Variants in DRC11L observed in about 807,000 individuals in gnomAD.
The protein encoded by DRC11L is dynein regulatory complex subunit 11 like.
At chr7:151,202,974 C>G in the DRC11L span, 1 of 399,846 alleles carries the variant, frequency 2.5e-6, no homozygotes. Context: ...CCCGAATCCT[C>G]CCATCCTGCT....
chr7:151,204,091 T>C, the DRC11L span, among the ~76,000 whole-genome samples: 1 of 152,146 alleles, frequency 6.6e-6, no homozygotes, highest in African/African-American at 2.4e-5. Context: ...ATTTGTGATG[T>C]CAATGCTGCT....
chr7:151,197,207 C>A, the DRC11L span: 1 of 399,590 alleles, frequency 2.5e-6, no homozygotes, highest in Non-Finnish European at 4.4e-6. Flanking sequence ...TATCTTACCC[C>A]CTTCTTGGCC....
chr7:151,198,635 C>T, the DRC11L span, among the ~76,000 whole-genome samples: 50 of 152,110 alleles, frequency 3.3e-4, 1 homozygote, highest in South Asian at 0.01. Context: ...GTTGTTGAAA[C>T]CAAGAGGGTC....
At chr7:151,198,917 C>A in the DRC11L span, 3,498 of 399,166 alleles carry the variant, frequency 8.8e-3, 119 homozygotes, top group African/African-American at 0.064. Context: ...CCTCCTCTTT[C>A]TCCATCTGGC....
chr7:151,196,935 C>T, the DRC11L span: 9 of 399,216 alleles, frequency 2.3e-5, no homozygotes, highest in African/African-American at 1.0e-4. Flanking sequence ...CCCCAGGTCC[C>T]ACAAGGCACA....
At chr7:151,204,026 G>A in the DRC11L span, among the ~76,000 whole-genome samples, 1 of 152,184 alleles carries the variant, frequency 6.6e-6, no homozygotes, top group East Asian at 1.9e-4. Context: ...ATCACTGGAG[G>A]GTCTTGATAA....
the DRC11L span, chr7:151,197,225 C>T: frequency 5.0e-6 from 2 of 399,456 alleles, no homozygotes; most frequent in African/African-American, 2.1e-5. Context: ...GCCTTTTCTT[C>T]CTTTCCTTTC....
the DRC11L span, chr7:151,198,905 C>T: frequency 1.3e-5 from 5 of 399,178 alleles, no homozygotes; most frequent in Non-Finnish European, 2.2e-5. Context: ...CTGCCCGGAA[C>T]TCCTCCTCTT....
the DRC11L span, chr7:151,198,741 G>A: frequency 2.5e-6 from 1 of 398,796 alleles, no homozygotes; most frequent in African/African-American, 2.1e-5. Context: ...GCAGCCCTGA[G>A]GGACCCTGAG....
At chr7:151,202,133 T>C in the DRC11L span, among the ~76,000 whole-genome samples, 6 of 152,184 alleles carry the variant, frequency 3.9e-5, no homozygotes, top group African/African-American at 1.4e-4. Context: ...ATGGAAATTA[T>C]GTTATTTCCA....
At chr7:151,190,947 C>T in the DRC11L span, 1 of 399,804 alleles carries the variant, frequency 2.5e-6, no homozygotes, top group Admixed American at 4.4e-5. Context: ...CTGTCCCACG[C>T]CACTAATCTC....
chr7:151,196,587 T>G, the DRC11L span: 1 of 399,622 alleles, frequency 2.5e-6, no homozygotes, highest in Non-Finnish European at 4.4e-6. Flanking sequence ...TGCGTGAAGG[T>G]CAGAGTGCCG....
At chr7:151,195,545 C>G in the DRC11L span, 1 of 399,998 alleles carries the variant, frequency 2.5e-6, no homozygotes, top group Admixed American at 4.4e-5. Context: ...TGTGTGCCCT[C>G]CCCTGCCCAG....
the DRC11L span, chr7:151,198,916 T>C: frequency 2.5e-6 from 1 of 399,012 alleles, no homozygotes; most frequent in Non-Finnish European, 4.4e-6. Flanking sequence ...TCCTCCTCTT[T>C]CTCCATCTGG....
chr7:151,192,341 C>T, the DRC11L span: 9 of 399,080 alleles, frequency 2.3e-5, no homozygotes, highest in East Asian at 2.8e-4. Flanking sequence ...GCACAGACCC[C>T]GCATCTCGGC....
chr7:151,200,211 G>A, the DRC11L span, among the ~76,000 whole-genome samples: 1 of 152,192 alleles, frequency 6.6e-6, no homozygotes, highest in Non-Finnish European at 1.5e-5. Flanking sequence ...GAAGGGATAT[G>A]GCCAGGGGGC....
the DRC11L span, among the ~76,000 whole-genome samples, chr7:151,193,741 C>G: frequency 2.0e-5 from 3 of 152,004 alleles, no homozygotes; most frequent in South Asian, 4.1e-4. Flanking sequence ...CTGGGAGGAG[C>G]CTGCTACCCC....
the DRC11L span, chr7:151,193,536 A>C: frequency 2.5e-6 from 1 of 399,542 alleles, no homozygotes; most frequent in Non-Finnish European, 4.4e-6. Context: ...GGTCAGCAGC[A>C]GGAATCAGGG....
At chr7:151,197,544 G>A in the DRC11L span, among the ~76,000 whole-genome samples, 1 of 152,190 alleles carries the variant, frequency 6.6e-6, no homozygotes, top group Admixed American at 6.5e-5. Context: ...GCCCAAGAAG[G>A]AGCGTTCTGG....
Sources: allele counts gnomAD v4.1 joint callset (sites outside exome capture counted in the v4.1 genomes callset), GRCh38; gene constraint gnomAD v4.1.1; transcripts MANE v1.5; gene names NCBI Gene and HGNC (gene_info 2026-07-23, HGNC 2026-07-21).